CAMTA1: variants seen among roughly 807,000 people sequenced by gnomAD.
CAMTA1 encodes the protein calmodulin binding transcription activator 1.
Under a neutral mutation model 170.9 loss-of-function variants are expected in CAMTA1, and 27 were observed. The observed-to-expected ratio is 0.16, with a 90% CI of 0.12 to 0.22. The LOEUF (loss-of-function observed/expected upper bound fraction) is 0.22. Ranked by LOEUF, CAMTA1 falls within the 10% of genes least tolerant of loss-of-function variation. CAMTA1 has a pLI of 1.00. For missense variants in CAMTA1, 1,619 were observed against 2,217.2 expected, an observed-to-expected ratio of 0.73 and a Z score of 5.42; for synonymous variants, 833 against 891.5, an observed-to-expected ratio of 0.93 and a Z score of 1.17.
chr1:7,265,496 TAA>T (rs1668785807), intron 5 of CAMTA1, among the ~76,000 whole-genome samples: 3 of 152,060 alleles, frequency 2.0e-5, no homozygotes, highest in African/African-American at 7.2e-5. Flanking sequence ...GTATTTTTAG[TAA>T]AGACAGGGTT....
At chr1:7,101,753 A>G (rs1249054250) in intron 4 of CAMTA1, among the ~76,000 whole-genome samples, 1 of 152,258 alleles carries the variant, frequency 6.6e-6, no homozygotes. Flanking sequence ...ACATGTACAC[A>G]TGACACATAT....
At position 7,680,488 on chromosome 1, in the gene CAMTA1, C is replaced by T. The variant is rs1346577593; in HGVS notation, c.2914+2755C>T. Among the ~76,000 whole-genome samples the T allele has an allele frequency of 6.6e-6, 1 of 151,872 alleles. No individual in the cohort carries two copies. Among genetic ancestry groups the T allele is most frequent in the African/African-American group, 2.4e-5 (1 of 41,400 alleles). ...CGCGCGCCCTCCCGCCGACGCGCAG[C>T]CGCAATGCGGGGCCCTTCGCGGAAC... On this transcript the variant is annotated intron_variant, in intron 11 of 22. Transcript: ENST00000303635. The surrounding 1 kb of genome is among the most constrained non-coding windows in gnomAD (Gnocchi z 4.4).
At chr1:6,902,580 T>C (rs903174021) in intron 3 of CAMTA1, among the ~76,000 whole-genome samples, 1 of 152,142 alleles carries the variant, frequency 6.6e-6, no homozygotes, top group Non-Finnish European at 1.5e-5. Context: ...AGGGAACTTT[T>C]TGAGGTGATG....
intron 4 of CAMTA1, among the ~76,000 whole-genome samples, chr1:7,211,015 G>T (rs1658649637): frequency 6.6e-6 from 1 of 152,112 alleles, no homozygotes; most frequent in Admixed American, 6.5e-5. Flanking sequence ...CATAGAGAAC[G>T]TTAACAGATT....
chr1:6,913,490 C>A (rs1175197944), intron 3 of CAMTA1, among the ~76,000 whole-genome samples: 1 of 152,200 alleles, frequency 6.6e-6, no homozygotes, highest in Non-Finnish European at 1.5e-5. Flanking sequence ...CCCTGCTTGA[C>A]CCCCTGCGTG....
intron 1 of CAMTA1, among the ~76,000 whole-genome samples, chr1:6,786,312 A>T (rs1639339537): frequency 6.6e-6 from 1 of 151,900 alleles, no homozygotes; most frequent in African/African-American, 2.4e-5. Context: ...AGTCGTTCAC[A>T]TCCTACTCTT....
At chr1:7,170,530 G>A (rs1042808553) in intron 4 of CAMTA1, among the ~76,000 whole-genome samples, 3 of 151,928 alleles carry the variant, frequency 2.0e-5, no homozygotes, top group African/African-American at 7.3e-5. Flanking sequence ...TGTTCTCATT[G>A]TTCAACTCCC....
chr1:7,593,489 C>CTT (rs35614673), intron 6 of CAMTA1, among the ~76,000 whole-genome samples: 3,005 of 134,170 alleles, frequency 0.022, 160 homozygotes, highest in African/African-American at 0.082. Flanking sequence ...AATCCTAGCA[C>CTT]TTTTTTTTTT....
chr1:7,627,763 T>C (rs1258073236), intron 6 of CAMTA1, among the ~76,000 whole-genome samples: 1 of 152,206 alleles, frequency 6.6e-6, no homozygotes, highest in African/African-American at 2.4e-5. Context: ...AGATTCTTTA[T>C]GTGTAAAGCA....
intron 3 of CAMTA1, among the ~76,000 whole-genome samples, chr1:6,899,243 C>A (rs1676332761): frequency 6.6e-6 from 1 of 152,160 alleles, no homozygotes; most frequent in Non-Finnish European, 1.5e-5. Flanking sequence ...ATGGATGGAG[C>A]CTATTCTGGG....
chr1:7,547,348 G>GCACACACACA lies in CAMTA1; in HGVS notation c.510+79480_510+79489dup, dbSNP rs3222190. Among the ~76,000 whole-genome samples, 52 of 144,106 alleles carry GCACACACACA rather than the reference G, an allele frequency of 3.6e-4. No individual in the cohort carries two copies. Among genetic ancestry groups the GCACACACACA allele is most frequent in the African/African-American group, 1.3e-3 (48 of 38,310 alleles). 94.5% of individuals were successfully genotyped at this position (144,106 alleles called of 152,430 possible). A position where few individuals can be genotyped will look rare whatever the true frequency, so the allele number is the denominator to read the frequency against. ...GAGCTGGGGAATATATGTATCATAT[G>GCACACACACA]CACACACACACACACACACACACAC... On this transcript the variant is annotated intron_variant, in intron 6 of 22. Transcript: ENST00000303635. The surrounding 1 kb of genome is among the most constrained non-coding windows in gnomAD (Gnocchi z 5.7).
At chr1:7,639,047 C>T (rs982952812) in intron 6 of CAMTA1, among the ~76,000 whole-genome samples, 12 of 152,274 alleles carry the variant, frequency 7.9e-5, no homozygotes, top group Admixed American at 2.0e-4. Context: ...GGTGCGATCT[C>T]GGCTCACTGC....
At chr1:7,459,390 A>T (rs1454501632) in intron 5 of CAMTA1, among the ~76,000 whole-genome samples, 1 of 152,090 alleles carries the variant, frequency 6.6e-6, no homozygotes, top group African/African-American at 2.4e-5. Flanking sequence ...CGTTCAGGGT[A>T]CCCTGGGGAG....
At position 7,156,206 on chromosome 1, in the gene CAMTA1, G is replaced by A. The variant is rs57857383; in HGVS notation, c.302+64835G>A. Among the ~76,000 whole-genome samples the A allele has an allele frequency of 2.9e-3, 437 of 151,618 alleles. 5 individuals carry two copies. Among genetic ancestry groups the A allele is most frequent in the African/African-American group, 1.0e-2 (413 of 41,318 alleles). On this transcript the variant is annotated intron_variant, in intron 4 of 22. Coordinates refer to ENST00000303635, the MANE Select transcript of CAMTA1 (RefSeq NM_015215.4). ...GGAGAATCGCTTGAACCTGGGAGAC[G>A]GAGATTGCAGTGAGCTGAGATCGCC...
chr1:7,551,890 A>C (rs2094807861), intron 6 of CAMTA1, among the ~76,000 whole-genome samples: 1 of 151,050 alleles, frequency 6.6e-6, no homozygotes, highest in Admixed American at 6.6e-5. Context: ...GCACAGAAAA[A>C]CCCCCAGGGA....
intron 3 of CAMTA1, among the ~76,000 whole-genome samples, chr1:6,883,778 GC>G (rs1241528876): frequency 2.0e-5 from 3 of 152,112 alleles, no homozygotes; most frequent in Non-Finnish European, 4.4e-5. Context: ...CTGTACAGTA[GC>G]AGTGTCAGTG....
At position 7,463,915 on chromosome 1, in the gene CAMTA1, T is replaced by C. The variant is rs1214167145; in HGVS notation, c.439-3915T>C. Among the ~76,000 whole-genome samples the C allele has an allele frequency of 6.6e-6, 1 of 152,262 alleles. No individual in the cohort carries two copies. Among genetic ancestry groups the C allele is most frequent in the African/African-American group, 2.4e-5 (1 of 41,466 alleles). ...ACTTTCTTTTTTGAGGCATTTACTT[T>C]GAGCTGAAGGGAGCTCTTGTTTGCT... On this transcript the variant is annotated intron_variant, in intron 5 of 22. Coordinates refer to ENST00000303635, the MANE Select transcript of CAMTA1 (RefSeq NM_015215.4). This position sits in a 1 kb window ranked among gnomAD's most constrained non-coding sequence, Gnocchi z 4.7.
intron 6 of CAMTA1, among the ~76,000 whole-genome samples, chr1:7,638,207 A>G (rs1436649923): frequency 6.6e-6 from 1 of 152,112 alleles, no homozygotes; most frequent in Non-Finnish European, 1.5e-5. Flanking sequence ...GTCTCAGTCT[A>G]TCAGCTGGGG....
At chr1:6,834,791 C>T (rs370296733) in intron 3 of CAMTA1, among the ~76,000 whole-genome samples, 9 of 152,262 alleles carry the variant, frequency 5.9e-5, no homozygotes, top group East Asian at 5.8e-4. Flanking sequence ...GCGTGTGCCA[C>T]GCCCAGCTAA....
Sources: allele counts gnomAD v4.1 joint callset (sites outside exome capture counted in the v4.1 genomes callset), GRCh38; gene constraint gnomAD v4.1.1; non-coding constraint Gnocchi (gnomAD v3.1); transcripts MANE v1.5; gene names NCBI Gene and HGNC (gene_info 2026-07-23, HGNC 2026-07-21).